Variants in C10orf71 observed in about 807,000 individuals in gnomAD.
The protein encoded by C10orf71 is cardiac-enriched FHL2-interacting protein.
For synonymous variants in C10orf71, 758 were observed against 726.3 expected (o/e 1.04, Z -0.70); for missense variants, 1,869 against 1,804.5 (o/e 1.04, Z -0.65).
intron 1 of C10orf71, among the ~76,000 whole-genome samples, chr10:49,300,562 C>T (rs1049942108): frequency 8.6e-5 from 13 of 151,878 alleles, no homozygotes; most frequent in African/African-American, 2.4e-4. Flanking sequence ...GAGCCTCCTG[C>T]ACCTTCCAGG....
intron 1 of C10orf71, among the ~76,000 whole-genome samples, chr10:49,300,413 C>A (rs915029286): frequency 2.0e-5 from 3 of 146,556 alleles, no homozygotes; most frequent in Admixed American, 7.1e-5. Flanking sequence ...AAAAAGTTTG[C>A]TGACCACTGT....
chr10:49,323,613 C>G lies in C10orf71; in HGVS notation c.1068C>G (p.Ala356=). 1 of 1,602,380 alleles carries G rather than the reference C, an allele frequency of 6.2e-7. No homozygotes were observed. The highest frequency in any genetic ancestry group is 1.1e-5 in the South Asian group (1 of 89,042). Residue 356 remains alanine, a synonymous_variant, in exon 3 of 3, where the codon GCC becomes GCG. Transcript: ENST00000374144. Reference sequence around the variant, plus strand: ...CCTGGGGGTGCAGGGATCCAGGAGCCCAGGTATTTGCTGTGGAAGGAAAAG... The same window carrying G: ...CCTGGGGGTGCAGGGATCCAGGAGCGCAGGTATTTGCTGTGGAAGGAAAAG... ...SIPWGCRDPG[A]QVFAVEGKAP...
At chr10:49,304,601 G>A (rs1848782244) in intron 1 of C10orf71, among the ~76,000 whole-genome samples, 1 of 152,200 alleles carries the variant, frequency 6.6e-6, no homozygotes, top group African/African-American at 2.4e-5. Flanking sequence ...TATAGACAAT[G>A]TGATGGACTC....
At chr10:49,320,036 T>C (rs1849068476) in intron 2 of C10orf71, among the ~76,000 whole-genome samples, 1 of 152,070 alleles carries the variant, frequency 6.6e-6, no homozygotes, top group African/African-American at 2.4e-5. Context: ...TTTTGAAAGA[T>C]GAAAGAGTCC....
In C10orf71 at chr10:49,323,862, C is replaced by A. The variant is rs74528495; in HGVS notation, c.1317C>A (p.Pro439=). The change falls in exon 3 of 3, where the codon CCC becomes CCA. Residue 439 remains proline (P), a synonymous_variant. Coordinates refer to ENST00000374144, the MANE Select transcript of C10orf71 (RefSeq NM_001135196.2). ...LPVEPNEHYD[P]PFNISKLLTP... The stretch of plus-strand genomic sequence containing the variant: ...TGGAACCCAATGAACATTATGATCC[C>A]CCCTTTAACATCAGTAAGCTCCTGA... The A allele has an allele frequency of 1.2e-6, 2 of 1,613,422 alleles. No individual in the cohort carries two copies. Among genetic ancestry groups the A allele is most frequent in the African/African-American group, 2.7e-5 (2 of 74,720 alleles).
chr10:49,307,993 G>A (rs1848845388), intron 1 of C10orf71, among the ~76,000 whole-genome samples: 1 of 152,182 alleles, frequency 6.6e-6, no homozygotes, highest in Non-Finnish European at 1.5e-5. Context: ...CTGGGTCTGA[G>A]CAGCACTTGG....
chr10:49,303,114 T>G (rs963990874), intron 1 of C10orf71, among the ~76,000 whole-genome samples: 1 of 152,090 alleles, frequency 6.6e-6, no homozygotes, highest in African/African-American at 2.4e-5. Flanking sequence ...GCCTATACCT[T>G]CCAGAGTCAC....
chr10:49,326,961 A>ACACACACACACG lies in C10orf71; in HGVS notation c.*109_*110insACACACACACGC. On this transcript the variant is annotated 3_prime_UTR_variant, in exon 3 of 3. Coordinates refer to ENST00000374144, the MANE Select transcript of C10orf71 (RefSeq NM_001135196.2). ...CACACACACACACACACACACACAC[A>ACACACACACACG]CGATCATCAACACATACTTAGCCTT... 1 of 1,582,980 alleles carries ACACACACACACG rather than the reference A, an allele frequency of 6.3e-7. No individual in the cohort carries two copies. Among genetic ancestry groups the ACACACACACACG allele is most frequent in the Non-Finnish European group, 8.6e-7 (1 of 1,165,288 alleles).
rs576555061 is a variant in C10orf71, at chr10:49,322,338, C to A, written c.-144-64C>A. On this transcript the variant is annotated intron_variant, in intron 2 of 2. Coordinates refer to ENST00000374144, the MANE Select transcript of C10orf71 (RefSeq NM_001135196.2). ...TCACAGGCACCATTTTCCACCTGAA[C>A]CAGCACATATTCTTGTGTAGAGCTG... 7.9e-5 allele frequency: 43 copies of A among 541,532 alleles called. 1 individual carries two copies. The East Asian group carries it at 1.4e-3, about 17-fold the overall frequency. The allele number at this position is 541,532 out of a possible 1,614,324, so 33.5% of individuals were successfully genotyped here.
intron 1 of C10orf71, among the ~76,000 whole-genome samples, chr10:49,311,413 G>T (rs764100290): frequency 6.6e-6 from 1 of 152,214 alleles, no homozygotes; most frequent in African/African-American, 2.4e-5. Context: ...GAAGACAAGG[G>T]CAACATGGAC....
At position 49,322,310 on chromosome 10, in the gene C10orf71, C is replaced by T. The variant is rs192130543; in HGVS notation, c.-144-92C>T. 2.1e-3 allele frequency: 968 copies of T among 462,972 alleles called. 3 individuals carry two copies. Among genetic ancestry groups the T allele is most frequent in the South Asian group, 8.6e-3 (271 of 31,494 alleles). The allele number at this position is 462,972 out of a possible 1,614,324, so 28.7% of individuals were successfully genotyped here. On this transcript the variant is annotated intron_variant, in intron 2 of 2. Transcript: ENST00000374144. ...TGCCAAGTTTGACACATAAAATTAACCCTCACAGGCACCATTTTCCACCTG... is the reference window on the plus strand; with the variant it reads ...TGCCAAGTTTGACACATAAAATTAATCCTCACAGGCACCATTTTCCACCTG...
chr10:49,310,390 G>A (rs1409525332), intron 1 of C10orf71, among the ~76,000 whole-genome samples: 7 of 152,166 alleles, frequency 4.6e-5, no homozygotes, highest in Non-Finnish European at 8.8e-5. Flanking sequence ...CCCAGGACAC[G>A]CCTAAGGAAG....
At chr10:49,306,703 G>A (rs139952232) in intron 1 of C10orf71, among the ~76,000 whole-genome samples, 43 of 152,322 alleles carry the variant, frequency 2.8e-4, no homozygotes, top group African/African-American at 9.9e-4. Flanking sequence ...TGCATGGCAT[G>A]GGGTCCACTT....
In C10orf71 at chr10:49,314,995, C is replaced by T. The variant is rs549187733; in HGVS notation, c.-247-1150C>T. ...CCTTTCTAGTGAGGAGGGAAAGCAG[C>T]GATCATCAGTTCCTGAAACATATGG... On this transcript the variant is annotated intron_variant, in intron 1 of 2. Transcript: ENST00000374144. 3.9e-5 allele frequency among the ~76,000 whole-genome samples: 6 copies of T among 152,256 alleles called. No homozygotes were observed. The South Asian group carries it at 1.0e-3, about 26-fold the overall frequency.
intron 1 of C10orf71, among the ~76,000 whole-genome samples, chr10:49,313,429 A>C: frequency 6.6e-6 from 1 of 152,152 alleles, no homozygotes; most frequent in East Asian, 1.9e-4. Flanking sequence ...GAAAGAGAGG[A>C]TCTGTGTTAA....
chr10:49,307,138 T>A (rs1384053969), intron 1 of C10orf71, among the ~76,000 whole-genome samples: 1 of 152,258 alleles, frequency 6.6e-6, no homozygotes, highest in Non-Finnish European at 1.5e-5. Flanking sequence ...TTCCTGCTCC[T>A]ACTTTTACCT....
Position 49,325,042 on chromosome 10 carries a change from A to G in C10orf71, c.2497A>G (p.Thr833Ala), listed in dbSNP as rs563382786. The G allele has an allele frequency of 6.4e-7, 1 of 1,551,850 alleles. No homozygotes were observed. Among genetic ancestry groups the G allele is most frequent in the Non-Finnish European group, 8.7e-7 (1 of 1,147,036 alleles). Residue 833 changes from threonine (T) to alanine (A), a missense_variant, in exon 3 of 3, where the codon ACA becomes GCA. Physicochemically the swap from Thr to Ala is moderately conservative, Grantham distance 58. Coordinates refer to ENST00000374144, the MANE Select transcript of C10orf71 (RefSeq NM_001135196.2). ...RGSWIGENKG[T>A]TFSQAKDLTP... ...CTCTTGGATTGGGGAAAATAAGGGC[A>G]CAACCTTTTCACAGGCCAAAGACCT...
Position 49,327,044 on chromosome 10 carries a change from G to A in C10orf71, c.*191G>A, listed in dbSNP as rs374915970. ...ATCCCAAGACGACCTCACCCAAAGG[G>A]CTCCCTGGCTCTCCTCTGATGGAGG... On this transcript the variant is annotated 3_prime_UTR_variant, in exon 3 of 3. Transcript: ENST00000374144. The A allele has an allele frequency of 7.7e-6, 12 of 1,553,106 alleles. No homozygotes were observed. The highest frequency in any genetic ancestry group is 1.0e-5 in the Non-Finnish European group (12 of 1,145,712).
intron 2 of C10orf71, among the ~76,000 whole-genome samples, chr10:49,319,978 G>A (rs80036790): frequency 2.0e-5 from 3 of 151,910 alleles, no homozygotes; most frequent in African/African-American, 4.8e-5. Context: ...TGGCTTCCAG[G>A]GGGGAGGGGA....
Sources: allele counts gnomAD v4.1 joint callset (sites outside exome capture counted in the v4.1 genomes callset), GRCh38; gene constraint gnomAD v4.1.1; transcripts MANE v1.5; gene names NCBI Gene and HGNC (gene_info 2026-07-23, HGNC 2026-07-21).